The following SLC16A7 variants were observed in gnomAD, a reference collection of about 807,000 sequenced individuals.
SLC16A7 encodes the protein solute carrier family 16 member 7.
SLC16A7 carries 33 observed loss-of-function variants against 34.9 expected under a neutral mutation model. The observed-to-expected ratio is 0.94, with a 90% CI of 0.72 to 1.26. The LOEUF (loss-of-function observed/expected upper bound fraction) is 1.26, where lower values mean the gene tolerates loss of function less well. SLC16A7 is among the 50% of genes most tolerant of loss of function. The pLI, the probability that SLC16A7 is intolerant of heterozygous loss-of-function variation, is 0.00. For missense variants in SLC16A7, 573 were observed against 578.1 expected, an observed-to-expected ratio of 0.99 and a Z score of 0.09; for synonymous variants, 201 against 206.6, an observed-to-expected ratio of 0.97 and a Z score of 0.23.
At chr12:59,631,228 T>A (rs754541473) in intron 1 of SLC16A7, among the ~76,000 whole-genome samples, 12 of 151,952 alleles carry the variant, frequency 7.9e-5, no homozygotes, top group Non-Finnish European at 1.5e-4. Context: ...AGACATTGGG[T>A]CTTCTGCTGC....
chr12:59,679,906 G>A (rs1213577828), intron 2 of SLC16A7, among the ~76,000 whole-genome samples: 1 of 152,188 alleles, frequency 6.6e-6, no homozygotes, highest in Non-Finnish European at 1.5e-5. Flanking sequence ...TATTGCCACT[G>A]AAACGATCAT....
chr12:59,764,305 T>G (rs1185540024), intron 3 of SLC16A7, among the ~76,000 whole-genome samples: 2 of 152,178 alleles, frequency 1.3e-5, no homozygotes, highest in South Asian at 2.1e-4. Context: ...GAAGAGAAGT[T>G]TGAAGCTAGT....
chr12:59,658,689 T>G (rs1462231019), intron 2 of SLC16A7, among the ~76,000 whole-genome samples: 1 of 152,058 alleles, frequency 6.6e-6, no homozygotes, highest in Non-Finnish European at 1.5e-5. Context: ...AGCCACTCAC[T>G]GTGTCCTCAT....
At chr12:59,630,894 A>G (rs1015377858) in intron 1 of SLC16A7, among the ~76,000 whole-genome samples, 2 of 151,956 alleles carry the variant, frequency 1.3e-5, no homozygotes, top group African/African-American at 2.4e-5. Flanking sequence ...ATTTAGAAAC[A>G]TAAAATACAT....
In SLC16A7 at chr12:59,620,978, C is replaced by CT. The variant is rs1265465578; in HGVS notation, c.-130+24749dup. 3.9e-5 allele frequency among the ~76,000 whole-genome samples: 6 copies of CT among 151,936 alleles called. No homozygotes were observed. In the East Asian group the frequency reaches 9.7e-4, roughly 25 times the overall value. On this transcript the variant is annotated intron_variant, in intron 1 of 5. Coordinates refer to ENST00000547379, the MANE Select transcript of SLC16A7 (RefSeq NM_001270623.2). ...TTGTATTTTCAAGCCCAAATACAAT[C>CT]TTTTTTTGAGGCAGAATATATAATT... is the stretch of plus-strand genomic sequence containing the variant.
At chr12:59,656,848 A>G (rs1868562690) in intron 2 of SLC16A7, among the ~76,000 whole-genome samples, 1 of 151,978 alleles carries the variant, frequency 6.6e-6, no homozygotes, top group Non-Finnish European at 1.5e-5. Flanking sequence ...ATAGTTTACT[A>G]AGGGAACCAG....
At chr12:59,608,354 A>G (rs1448567380) in intron 1 of SLC16A7, among the ~76,000 whole-genome samples, 1 of 152,026 alleles carries the variant, frequency 6.6e-6, no homozygotes, top group Non-Finnish European at 1.5e-5. Context: ...CCAGAAGAAA[A>G]AGAAAGAATC....
intron 3 of SLC16A7, among the ~76,000 whole-genome samples, chr12:59,719,111 A>G (rs1039582108): frequency 2.0e-5 from 3 of 152,174 alleles, no homozygotes; most frequent in Non-Finnish European, 4.4e-5. Context: ...CAAACAGACT[A>G]TAACACAATA....
chr12:59,789,047 A>G lies in SLC16A7; in HGVS notation c.*9368A>G, dbSNP rs1221329378. ...AAACCAAATGTTGAATTTCTCTGTG[A>G]GGGTACTTATTTTGCCTACAGTTTC... On this transcript the variant is annotated 3_prime_UTR_variant, in exon 6 of 6. Coordinates refer to ENST00000547379, the MANE Select transcript of SLC16A7 (RefSeq NM_001270623.2). 6.6e-6 allele frequency: 1 copy of G among 152,082 alleles called. No individual in the cohort carries two copies. 9.4% of individuals were successfully genotyped at this position (152,082 alleles called of 1,614,324 possible). A position where few individuals can be genotyped will look rare whatever the true frequency, so the allele number is the denominator to read the frequency against.
intron 3 of SLC16A7, among the ~76,000 whole-genome samples, chr12:59,710,189 C>T (rs1473902386): frequency 1.3e-5 from 2 of 152,108 alleles, no homozygotes; most frequent in Non-Finnish European, 2.9e-5. Flanking sequence ...CACCTAAGAT[C>T]TGACACATTC....
At chr12:59,607,174 A>G (rs924371879) in intron 1 of SLC16A7, among the ~76,000 whole-genome samples, 4 of 152,168 alleles carry the variant, frequency 2.6e-5, no homozygotes, top group African/African-American at 9.7e-5. Context: ...AAATTATTAA[A>G]TCCTGCTCTA....
intron 3 of SLC16A7, among the ~76,000 whole-genome samples, chr12:59,740,458 T>C (rs1878176871): frequency 6.6e-6 from 1 of 152,202 alleles, no homozygotes; most frequent in African/African-American, 2.4e-5. Context: ...CCTTGTAGTA[T>C]AGTTTGAAGT....
At position 59,705,076 on chromosome 12, in the gene SLC16A7, A is replaced by C. The variant is rs1036625117; in HGVS notation, c.217+58A>C. On this transcript the variant is annotated intron_variant, in intron 3 of 5. Transcript: ENST00000547379. Reference sequence around the variant, plus strand: ...TAAGAAAATAATTCCTCCATGTCACAATGTTTTACATGGAGTGTCTTGGTA... The same window carrying C: ...TAAGAAAATAATTCCTCCATGTCACCATGTTTTACATGGAGTGTCTTGGTA... 6 of 1,182,222 alleles carry C rather than the reference A, an allele frequency of 5.1e-6. No homozygotes were observed. In the Admixed American group the frequency reaches 1.0e-4, roughly 20 times the overall value. The allele number at this position is 1,182,222 out of a possible 1,614,324, so 73.2% of individuals were successfully genotyped here.
intron 1 of SLC16A7, among the ~76,000 whole-genome samples, chr12:59,601,796 A>T (rs903392867): frequency 5.3e-5 from 8 of 152,192 alleles, no homozygotes; most frequent in African/African-American, 1.2e-4. Context: ...ACATGGTGGG[A>T]TGAGAGTGAG....
At chr12:59,692,450 C>G (rs1163740233) in intron 2 of SLC16A7, among the ~76,000 whole-genome samples, 1 of 151,890 alleles carries the variant, frequency 6.6e-6, no homozygotes, top group African/African-American at 2.4e-5. Flanking sequence ...TGCTTGAAAC[C>G]AGGTCAGCTG....
chr12:59,697,741 A>G (rs1872478118), intron 2 of SLC16A7, among the ~76,000 whole-genome samples: 1 of 151,730 alleles, frequency 6.6e-6, no homozygotes, highest in Non-Finnish European at 1.5e-5. Flanking sequence ...TGCCTCAAAC[A>G]AACATATATG....
At chr12:59,751,765 C>G (rs957751536) in intron 3 of SLC16A7, among the ~76,000 whole-genome samples, 5 of 152,212 alleles carry the variant, frequency 3.3e-5, no homozygotes, top group African/African-American at 4.8e-5. Flanking sequence ...GTTCTCCCAG[C>G]ATGCAGCTGG....
In SLC16A7 at chr12:59,781,682, T is replaced by A. The variant is rs999477349; in HGVS notation, c.*2003T>A. On this transcript the variant is annotated 3_prime_UTR_variant, in exon 6 of 6. Coordinates refer to ENST00000547379, the MANE Select transcript of SLC16A7 (RefSeq NM_001270623.2). The stretch of plus-strand genomic sequence containing the variant: ...CCGATCTTGATTCTTGAATTAGCTA[T>A]GTTTATATTTTTAGTTCTTTTTTAT... 2.0e-5 allele frequency: 3 copies of A among 152,606 alleles called. No individual in the cohort carries two copies. Among genetic ancestry groups the A allele is most frequent in the Admixed American group, 6.6e-5 (1 of 15,256 alleles). 9.5% of individuals were successfully genotyped at this position (152,606 alleles called of 1,614,324 possible).
intron 2 of SLC16A7, among the ~76,000 whole-genome samples, chr12:59,696,769 C>G (rs140566246): frequency 6.6e-6 from 1 of 151,808 alleles, no homozygotes; most frequent in African/African-American, 2.4e-5. Context: ...TTCTGGGTCT[C>G]TTTTCTAATG....
Sources: gnomAD v4.1 joint callset for allele counts (sites outside exome capture counted in the v4.1 genomes callset) on GRCh38, gnomAD v4.1.1 for gene constraint, MANE v1.5 for transcripts, NCBI Gene and HGNC (gene_info 2026-07-23, HGNC 2026-07-21) for gene names.